ERBB4: variants seen among roughly 807,000 people sequenced by gnomAD.
ERBB4 encodes erb-b2 receptor tyrosine kinase 4.
A neutral mutation model predicts 158.0 loss-of-function variants in ERBB4; 42 were observed. The ratio of observed to expected loss-of-function variants is 0.27; its 90% CI spans 0.21 to 0.34. The LOEUF (loss-of-function observed/expected upper bound fraction) is 0.34, where lower values mean the gene tolerates loss of function less well. ERBB4 is among the 10% of genes least tolerant of loss of function. The pLI is 1.00. For synonymous variants in ERBB4, 583 were observed against 558.7 expected (o/e 1.04, Z -0.61); for missense variants, 1,333 against 1,624.1 (o/e 0.82, Z 3.08).
At chr2:212,379,045 T>C (rs2106406443) in intron 1 of ERBB4, among the ~76,000 whole-genome samples, 1 of 151,964 alleles carries the variant, frequency 6.6e-6, no homozygotes, top group Non-Finnish European at 1.5e-5. Context: ...CACTTTCATT[T>C]ACCACTTAGT....
chr2:212,260,399 C>G (rs1057512924), intron 1 of ERBB4, among the ~76,000 whole-genome samples: 11 of 152,212 alleles, frequency 7.2e-5, no homozygotes, highest in Non-Finnish European at 4.4e-5. Flanking sequence ...ATATTATGAC[C>G]AAAGTTTGAA....
chr2:212,510,153 T>C (rs1358702263), intron 1 of ERBB4, among the ~76,000 whole-genome samples: 2 of 146,918 alleles, frequency 1.4e-5, no homozygotes, highest in Non-Finnish European at 3.0e-5. Flanking sequence ...TATATACATA[T>C]AAATATATAT....
chr2:212,021,084 TTA>T (rs754828764), intron 2 of ERBB4, among the ~76,000 whole-genome samples: 1 of 152,202 alleles, frequency 6.6e-6, no homozygotes, highest in Admixed American at 6.5e-5. Flanking sequence ...TAGCACTTTC[TTA>T]TATGTTTTAG....
intron 3 of ERBB4, among the ~76,000 whole-genome samples, chr2:211,825,939 G>GA (rs2077092177): frequency 6.7e-6 from 1 of 148,860 alleles, no homozygotes; most frequent in South Asian, 2.1e-4. Context: ...TTTGGCTTAG[G>GA]AAAAAATCTC....
chr2:212,062,440 A>G (rs1326301170), intron 2 of ERBB4, among the ~76,000 whole-genome samples: 3 of 90,972 alleles, frequency 3.3e-5, no homozygotes, highest in African/African-American at 4.8e-5. Flanking sequence ...TTTTTTTGAG[A>G]TGGAGTCTCA....
chr2:212,185,375 A>C (rs2081988283), intron 1 of ERBB4, among the ~76,000 whole-genome samples: 1 of 151,998 alleles, frequency 6.6e-6, no homozygotes, highest in South Asian at 2.1e-4. Flanking sequence ...GAAAAAGAAA[A>C]AAAAAAGGCT....
At chr2:211,878,164 A>G (rs1419349520) in intron 3 of ERBB4, among the ~76,000 whole-genome samples, 1 of 152,218 alleles carries the variant, frequency 6.6e-6, no homozygotes, top group Non-Finnish European at 1.5e-5. Context: ...AATTAAAACA[A>G]CTTTTTCTAA....
intron 3 of ERBB4, among the ~76,000 whole-genome samples, chr2:211,918,714 C>T (rs1012141850): frequency 6.6e-6 from 1 of 152,020 alleles, no homozygotes; most frequent in African/African-American, 2.4e-5. Flanking sequence ...ATATGTCTGT[C>T]GCTTCCAGGG....
intron 2 of ERBB4, 180 bp downstream of exon 2, chr2:212,124,572 G>A: frequency 1.5e-6 from 1 of 650,984 alleles, no homozygotes; most frequent in Non-Finnish European, 2.7e-6. Context: ...CAGTCATTAT[G>A]GCTTTGTTAC....
At chr2:211,683,702 G>A (rs2072448324) in intron 12 of ERBB4, among the ~76,000 whole-genome samples, 1 of 149,056 alleles carries the variant, frequency 6.7e-6, no homozygotes, top group Non-Finnish European at 1.5e-5. Context: ...ATTCTCGGGA[G>A]TTAATTGCTG....
At chr2:212,514,666 ATGG>A (rs1322822971) in intron 1 of ERBB4, among the ~76,000 whole-genome samples, 1 of 152,154 alleles carries the variant, frequency 6.6e-6, no homozygotes, top group Non-Finnish European at 1.5e-5. Context: ...TTAACTGGGC[ATGG>A]TGGCGTGCAC....
intron 19 of ERBB4, among the ~76,000 whole-genome samples, chr2:211,606,775 T>G (rs551841270): frequency 3.9e-4 from 60 of 152,324 alleles, no homozygotes; most frequent in Non-Finnish European, 6.8e-4. Context: ...TGTGTTTTCT[T>G]TCGTAAGAGT....
rs564748167 is a variant in ERBB4, at chr2:212,136,529, G to C, written c.83-11626C>G. 7.2e-5 allele frequency among the ~76,000 whole-genome samples: 11 copies of C among 152,268 alleles called. No homozygotes were observed. In the East Asian group the frequency reaches 1.9e-3, roughly 27 times the overall value. On this transcript the variant is annotated intron_variant, in intron 1 of 27. Transcript: ENST00000342788. The stretch of plus-strand genomic sequence containing the variant: ...GGGCAATAGGTACCTTCATGCAAAT[G>C]CACTAGGGTGGCACTCTTTTAAGTG...
chr2:212,355,775 TATATATGTATATGC>T (rs2106350624), intron 1 of ERBB4, among the ~76,000 whole-genome samples: 1 of 152,094 alleles, frequency 6.6e-6, no homozygotes, highest in East Asian at 1.9e-4. Flanking sequence ...TGTATTTATG[TATATATGTATATGC>T]ATGTATGTAT....
intron 3 of ERBB4, among the ~76,000 whole-genome samples, chr2:211,861,469 C>T (rs1429155872): frequency 2.0e-5 from 3 of 150,142 alleles, no homozygotes; most frequent in Non-Finnish European, 4.4e-5. Flanking sequence ...TCTCGAAGTG[C>T]TAGGATTACA....
chr2:211,831,998 G>C lies in ERBB4; in HGVS notation c.422-43839C>G, dbSNP rs1044178406. Among the ~76,000 whole-genome samples the C allele has an allele frequency of 3.3e-5, 5 of 152,254 alleles. No homozygotes were observed. The South Asian group carries it at 6.2e-4, about 19-fold the overall frequency. On this transcript the variant is annotated intron_variant, in intron 3 of 27. Coordinates refer to ENST00000342788, the MANE Select transcript of ERBB4 (RefSeq NM_005235.3). ...TAGAAACTAGACCAGAAGTTCTGCA[G>C]TAACAGGACAAATGTGGCGTCAAGC...
chr2:212,171,631 G>A (rs1191246440), intron 1 of ERBB4, among the ~76,000 whole-genome samples: 1 of 152,066 alleles, frequency 6.6e-6, no homozygotes, highest in East Asian at 1.9e-4. Flanking sequence ...CTTCCCCCAT[G>A]CTGTTCTTAT....
chr2:211,411,987 C>T (rs897851689), intron 25 of ERBB4, among the ~76,000 whole-genome samples: 3 of 151,438 alleles, frequency 2.0e-5, no homozygotes, highest in Non-Finnish European at 2.9e-5. Flanking sequence ...AATTGGATCT[C>T]GATTAGAGTA....
chr2:211,499,471 C>T (rs901730381), intron 20 of ERBB4, among the ~76,000 whole-genome samples: 3 of 151,892 alleles, frequency 2.0e-5, no homozygotes, highest in South Asian at 2.1e-4. Flanking sequence ...TGCAGTGAGC[C>T]GAGATAGCGC....
Sources: gnomAD v4.1 joint callset for allele counts (sites outside exome capture counted in the v4.1 genomes callset) on GRCh38, gnomAD v4.1.1 for gene constraint, MANE v1.5 for transcripts, NCBI Gene and HGNC (gene_info 2026-07-23, HGNC 2026-07-21) for gene names.